The following SDK1 variants were observed in gnomAD, a reference collection of about 807,000 sequenced individuals.
The protein encoded by SDK1 is protein sidekick-1.
Under a neutral mutation model 245.5 loss-of-function variants are expected in SDK1, and 157 were observed. That is an observed-to-expected ratio of 0.64 (90% confidence interval 0.56 to 0.73). The LOEUF is 0.73. SDK1 is among the 30% of genes least tolerant of loss of function. SDK1 has a pLI of 0.00. For synonymous variants in SDK1, 1,647 were observed against 1,278.5 expected (o/e 1.29, Z -6.15); for missense variants, 3,583 against 3,002.3 (o/e 1.19, Z -4.52).
At chr7:3,575,140 G>A (rs1039203244) in intron 1 of SDK1, among the ~76,000 whole-genome samples, 1 of 152,062 alleles carries the variant, frequency 6.6e-6, no homozygotes, top group African/African-American at 2.4e-5. Context: ...GGTGGTTTAA[G>A]GCTGGGAAAT....
At chr7:4,263,422 T>TGTAGACCTCTCCTGAGTGGGGAGGCCGC (rs1217476787) in intron 44 of SDK1, among the ~76,000 whole-genome samples, 2 of 146,668 alleles carry the variant, frequency 1.4e-5, no homozygotes, top group African/African-American at 2.5e-5. Flanking sequence ...GGGAAGGCTG[T>TGTAGACCTCTCCTGAGTGGGGAGGCCGC]GTAGACCTCT....
Position 4,241,551 on chromosome 7 carries a change from A to C in SDK1, c.6131-242A>C, listed in dbSNP as rs546076235. Among the ~76,000 whole-genome samples the C allele has an allele frequency of 5.3e-5, 8 of 152,338 alleles. No individual in the cohort carries two copies. In the South Asian group the frequency reaches 8.3e-4, roughly 16 times the overall value. ...ATAAAACACTGGCAAGAATACTGGT[A>C]TTTTGGGATCAGACAGAACAAATAT... On this transcript the variant is annotated intron_variant, in intron 42 of 44. Coordinates refer to ENST00000404826, the MANE Select transcript of SDK1 (RefSeq NM_152744.4).
At chr7:3,404,652 A>G (rs1176607289) in intron 1 of SDK1, among the ~76,000 whole-genome samples, 1 of 152,244 alleles carries the variant, frequency 6.6e-6, no homozygotes, top group Non-Finnish European at 1.5e-5. Context: ...GTTGATTCTT[A>G]TCAGTCTTTT....
At chr7:3,316,903 G>A (rs943193674) in intron 1 of SDK1, among the ~76,000 whole-genome samples, 2 of 152,052 alleles carry the variant, frequency 1.3e-5, no homozygotes, top group Non-Finnish European at 2.9e-5. Flanking sequence ...TGGGGGTCTG[G>A]GTACTGTGGC....
intron 5 of SDK1, among the ~76,000 whole-genome samples, chr7:3,841,875 C>A (rs747078787): frequency 6.6e-6 from 1 of 152,120 alleles, no homozygotes; most frequent in Non-Finnish European, 1.5e-5. Flanking sequence ...ATCAGATTCT[C>A]CAAGTCATAA....
chr7:3,426,934 A>G (rs554070928), intron 1 of SDK1, among the ~76,000 whole-genome samples: 13 of 152,324 alleles, frequency 8.5e-5, no homozygotes, highest in Admixed American at 2.0e-4. Flanking sequence ...GAGTTCTTCA[A>G]AAGTTAGCTC....
rs534109707 is a variant in SDK1, at chr7:4,106,149, C to G, written c.3325-4514C>G. ...AGCAAAACAACAGCCCTGTAGATAA[C>G]CAGACACTCGCTGCTCAGAAGGCAG... On this transcript the variant is annotated intron_variant, in intron 22 of 44. Coordinates refer to ENST00000404826, the MANE Select transcript of SDK1 (RefSeq NM_152744.4). 1.4e-3 allele frequency among the ~76,000 whole-genome samples: 206 copies of G among 152,256 alleles called. 2 individuals are homozygous for G. Among genetic ancestry groups the G allele is most frequent in the Admixed American group, 3.1e-3 (47 of 15,290 alleles).
At chr7:3,957,947 A>C (rs929198036) in intron 7 of SDK1, 8 of 470,320 alleles carry the variant, frequency 1.7e-5, no homozygotes, top group Non-Finnish European at 3.1e-5. Context: ...GAAGTGAAAC[A>C]TCACTTTGCC....
chr7:3,987,854 C>T (rs564655218), intron 14 of SDK1, among the ~76,000 whole-genome samples: 1 of 152,270 alleles, frequency 6.6e-6, no homozygotes, highest in East Asian at 1.9e-4. Flanking sequence ...CCTCCAGCCG[C>T]CAAGCCCTCC....
intron 2 of SDK1, among the ~76,000 whole-genome samples, chr7:3,629,519 A>C (rs1298039971): frequency 1.3e-5 from 2 of 152,158 alleles, no homozygotes; most frequent in African/African-American, 4.8e-5. Flanking sequence ...TGTTCTCACC[A>C]GCCAAATCGT....
At chr7:3,616,992 G>C (rs974179820) in intron 1 of SDK1, among the ~76,000 whole-genome samples, 17 of 152,196 alleles carry the variant, frequency 1.1e-4, no homozygotes, top group Non-Finnish European at 2.4e-4. Context: ...TCTGGAGCTA[G>C]ATTATCTGGA....
At chr7:3,587,231 G>T (rs185796271) in intron 1 of SDK1, among the ~76,000 whole-genome samples, 25 of 152,296 alleles carry the variant, frequency 1.6e-4, no homozygotes, top group Admixed American at 1.4e-3. Context: ...GAGGGTCAGA[G>T]GGGATTTAGA....
At chr7:3,372,580 G>A (rs1377955195) in intron 1 of SDK1, among the ~76,000 whole-genome samples, 1 of 152,176 alleles carries the variant, frequency 6.6e-6, no homozygotes, top group Non-Finnish European at 1.5e-5. Context: ...GCAAGACCCT[G>A]AGCTTTGAGA....
chr7:3,488,156 A>C (rs1322451971), intron 1 of SDK1, among the ~76,000 whole-genome samples: 2 of 151,964 alleles, frequency 1.3e-5, no homozygotes, highest in Non-Finnish European at 2.9e-5. Flanking sequence ...GTGTTTTCCG[A>C]TGCCTTTAAT....
intron 1 of SDK1, among the ~76,000 whole-genome samples, chr7:3,349,705 T>G: frequency 6.6e-6 from 1 of 152,188 alleles, no homozygotes; most frequent in Non-Finnish European, 1.5e-5. Context: ...GTTCACGCCC[T>G]TCTCCTGCCT....
intron 16 of SDK1, among the ~76,000 whole-genome samples, chr7:4,016,954 C>G (rs1403965132): frequency 6.6e-6 from 1 of 152,192 alleles, no homozygotes; most frequent in Non-Finnish European, 1.5e-5. Flanking sequence ...GTTGAAATGT[C>G]AGTTCCATTT....
intron 1 of SDK1, among the ~76,000 whole-genome samples, chr7:3,423,957 G>A (rs1779603290): frequency 1.3e-5 from 2 of 151,404 alleles, no homozygotes; most frequent in South Asian, 4.2e-4. Flanking sequence ...TATTGCCCAG[G>A]CTGGAGTGCA....
intron 4 of SDK1, among the ~76,000 whole-genome samples, chr7:3,646,281 G>C (rs1204065498): frequency 6.6e-6 from 1 of 151,896 alleles, no homozygotes; most frequent in East Asian, 1.9e-4. Context: ...CTCATTATCT[G>C]CCTTTAAAAT....
At position 4,033,632 on chromosome 7, in the gene SDK1, T is replaced by C. The variant is rs370563703; in HGVS notation, c.2603-15716T>C. Among the ~76,000 whole-genome samples, 558 of 152,044 alleles carry C rather than the reference T, an allele frequency of 3.7e-3. 6 individuals are homozygous for C. The South Asian group carries it at 0.039, about 11-fold the overall frequency. On this transcript the variant is annotated intron_variant, in intron 17 of 44. Coordinates refer to ENST00000404826, the MANE Select transcript of SDK1 (RefSeq NM_152744.4). ...CTAAAACAGAGAAGAAGAAGAAAAT[T>C]AGAAGAAAAATGGGCAAGCTCTATG...
Sources: gnomAD v4.1 joint callset for allele counts (sites outside exome capture counted in the v4.1 genomes callset) on GRCh38, gnomAD v4.1.1 for gene constraint, MANE v1.5 for transcripts, NCBI Gene and HGNC (gene_info 2026-07-23, HGNC 2026-07-21) for gene names.